Variants in TTC13 observed in about 807,000 individuals in gnomAD.
TTC13 encodes tetratricopeptide repeat domain 13, also known as tetratricopeptide repeat protein 13.
TTC13 carries 62 observed loss-of-function variants against 120.0 expected under a neutral mutation model. The ratio of observed to expected loss-of-function variants is 0.52; its 90% CI spans 0.42 to 0.64. The LOEUF is 0.64. Among genes scored for constraint, TTC13 ranks in the 30% least tolerant of loss-of-function variants. TTC13 has a pLI of 0.00. For synonymous variants in TTC13, 384 were observed against 393.5 expected (o/e 0.98, Z 0.28); for missense variants, 824 against 1,050.2 (o/e 0.78, Z 2.98).
intron 15 of TTC13, among the ~76,000 whole-genome samples, chr1:230,922,889 GGCTGAT>G (rs1672713730): frequency 6.6e-6 from 1 of 152,134 alleles, no homozygotes; most frequent in African/African-American, 2.4e-5. Flanking sequence ...ACAGCACACT[GGCTGAT>G]CTACGGTAGC....
rs917997570 is a variant in TTC13, at chr1:230,945,330, A to C, written c.579+59T>G. 39 of 1,464,432 alleles carry C rather than the reference A, an allele frequency of 2.7e-5. 2 individuals are homozygous for C. The highest frequency in any genetic ancestry group is 8.4e-5 in the African/African-American group (6 of 71,824). The allele number at this position is 1,464,432 out of a possible 1,614,324, so 90.7% of individuals were successfully genotyped here. On this transcript the variant is annotated intron_variant, in intron 5 of 22. Coordinates refer to ENST00000366661, the MANE Select transcript of TTC13 (RefSeq NM_024525.5). ...AATGAACAGTAGCAGTTCTAGCAAA[A>C]CCCTGGTCTGTGTCAGGTCATGTAG... is the stretch of plus-strand genomic sequence containing the variant.
Position 230,916,277 on chromosome 1 carries a change from C to A in TTC13, c.2009G>T (p.Gly670Val). 3 of 1,614,022 alleles carry A rather than the reference C, an allele frequency of 1.9e-6. No homozygotes were observed. Among genetic ancestry groups the A allele is most frequent in the Non-Finnish European group, 2.5e-6 (3 of 1,179,910 alleles). ...GGGAACTTTTGTGTTCACGGTGAAC[C>A]CATCCTTCGTTTTAGTATTAAACTG... ...MKQFNTKTKD[G>V]FTVNTKVPSL... Residue 670 changes from glycine (G) to valine (V), a missense_variant, in exon 18 of 23, where the codon GGG becomes GTG. Physicochemically the swap from Gly to Val is moderately radical, Grantham distance 109. Transcript: ENST00000366661.
At position 230,906,318 on chromosome 1, in the gene TTC13, T is replaced by C. The variant is rs923410598; in HGVS notation, c.*587A>G. On this transcript the variant is annotated 3_prime_UTR_variant, in exon 23 of 23. Transcript: ENST00000366661. Reference sequence around the variant, plus strand: ...TCAACAAAGGAAAAAAAAACATGGTTCAATAATTCAGCATTTGGGACTCTG... The same window carrying C: ...TCAACAAAGGAAAAAAAAACATGGTCCAATAATTCAGCATTTGGGACTCTG... The C allele has an allele frequency of 6.6e-6, 1 of 152,198 alleles. No individual in the cohort carries two copies. Among genetic ancestry groups the C allele is most frequent in the African/African-American group, 2.4e-5 (1 of 41,452 alleles). 9.4% of individuals were successfully genotyped at this position (152,198 alleles called of 1,614,324 possible).
chr1:230,941,514 G>C (rs962859800), intron 6 of TTC13, among the ~76,000 whole-genome samples: 10 of 152,126 alleles, frequency 6.6e-5, no homozygotes, highest in Non-Finnish European at 1.0e-4. Flanking sequence ...CATTGACCAG[G>C]CTGGTCTTGA....
At chr1:230,933,455 ACTGT>A (rs1338389301) in intron 9 of TTC13, among the ~76,000 whole-genome samples, 1 of 152,124 alleles carries the variant, frequency 6.6e-6, no homozygotes, top group African/African-American at 2.4e-5. Context: ...TACCTTAGTT[ACTGT>A]CTAAGAAAGT....
At chr1:230,962,373 G>A (rs1676727133) in intron 1 of TTC13, among the ~76,000 whole-genome samples, 1 of 152,080 alleles carries the variant, frequency 6.6e-6, no homozygotes, top group Non-Finnish European at 1.5e-5. Context: ...ACTACTTAGG[G>A]AAATGTAAAT....
At chr1:230,953,904 T>C (rs1480387108) in intron 4 of TTC13, among the ~76,000 whole-genome samples, 1 of 152,194 alleles carries the variant, frequency 6.6e-6, no homozygotes, top group African/African-American at 2.4e-5. Context: ...GAGTAGAAAT[T>C]AAGTTAATCA....
chr1:230,949,671 G>A (rs551322534), intron 4 of TTC13, among the ~76,000 whole-genome samples: 6 of 151,152 alleles, frequency 4.0e-5, no homozygotes, highest in Admixed American at 6.6e-5. Context: ...TTTTTGAGAC[G>A]AAGTCTCGCT....
intron 1 of TTC13, among the ~76,000 whole-genome samples, chr1:230,976,644 A>C (rs2103022544): frequency 6.6e-6 from 1 of 152,320 alleles, no homozygotes; most frequent in East Asian, 1.9e-4. Context: ...CATTTGCAAC[A>C]GTAAATTTTA....
At chr1:230,919,526 A>G (rs546881598) in intron 17 of TTC13, among the ~76,000 whole-genome samples, 1 of 152,332 alleles carries the variant, frequency 6.6e-6, no homozygotes, top group African/African-American at 2.4e-5. Flanking sequence ...AGGGGAACAC[A>G]TTCAAACGAT....
intron 14 of TTC13, 23 bp downstream of exon 14, chr1:230,924,818 A>C (rs780429097): frequency 1.2e-5 from 19 of 1,613,818 alleles, no homozygotes; most frequent in Non-Finnish European, 1.2e-5. Context: ...CTTATAGTTT[A>C]TTTTCACTGA....
intron 8 of TTC13, among the ~76,000 whole-genome samples, chr1:230,937,152 T>C (rs141004482): frequency 1.3e-5 from 2 of 152,258 alleles, no homozygotes; most frequent in South Asian, 4.1e-4. Context: ...CATGCAGATC[T>C]AAAGCAAATC....
intron 3 of TTC13, among the ~76,000 whole-genome samples, chr1:230,956,269 T>C (rs1475345912): frequency 2.0e-5 from 3 of 152,250 alleles, no homozygotes; most frequent in African/African-American, 7.2e-5. Flanking sequence ...CCCAAACCAC[T>C]GTGCACTGGA....
At chr1:230,954,256 G>T (rs2102935865) in intron 4 of TTC13, 77 bp downstream of exon 4, 3 of 984,164 alleles carry the variant, frequency 3.0e-6, no homozygotes, top group East Asian at 5.0e-5. Context: ...TCGTATTACA[G>T]CACTTCAGCT....
rs756592920 is a variant in TTC13 at position 230,920,420 on chromosome 1, C to T, written c.1983+90G>A. 4.5e-6 allele frequency: 4 copies of T among 897,946 alleles called. No individual in the cohort carries two copies. The Admixed American group carries it at 5.7e-5, about 13-fold the overall frequency. 55.6% of individuals were successfully genotyped at this position (897,946 alleles called of 1,614,324 possible). A position where few individuals can be genotyped will look rare whatever the true frequency, so the allele number is the denominator to read the frequency against. On this transcript the variant is annotated intron_variant, in intron 17 of 22. Coordinates refer to ENST00000366661, the MANE Select transcript of TTC13 (RefSeq NM_024525.5). Reference sequence around the variant, plus strand: ...TGTTCATACGAGTGATTTCAAATAGCATTTAATAATTCTGAGTTCTTTTTA... The same window carrying T: ...TGTTCATACGAGTGATTTCAAATAGTATTTAATAATTCTGAGTTCTTTTTA...
chr1:230,907,045 G>A (rs184241591), intron 22 of TTC13, 26 bp from the exon 23 acceptor site: 3 of 1,266,428 alleles, frequency 2.4e-6, no homozygotes, highest in African/African-American at 3.1e-5. Context: ...ACAAAGTAGC[G>A]GCATGAAAAT....
At chr1:230,927,007 C>T (rs990027878) in intron 12 of TTC13, among the ~76,000 whole-genome samples, 1 of 152,206 alleles carries the variant, frequency 6.6e-6, no homozygotes, top group Non-Finnish European at 1.5e-5. Flanking sequence ...GAGAGCACAG[C>T]TTACTGACTT....
intron 18 of TTC13, among the ~76,000 whole-genome samples, chr1:230,915,908 C>CA (rs1028067032): frequency 1.7e-4 from 26 of 151,698 alleles, no homozygotes; most frequent in Non-Finnish European, 2.9e-4. Context: ...CCCTCGCCCC[C>CA]CCAAGGAACT....
At chr1:230,973,159 C>T (rs1452889373) in intron 1 of TTC13, among the ~76,000 whole-genome samples, 2 of 152,196 alleles carry the variant, frequency 1.3e-5, no homozygotes, top group Non-Finnish European at 2.9e-5. Flanking sequence ...TGACTGAGCA[C>T]AAAATGTGGT....
Sources: gnomAD v4.1 joint callset for allele counts (sites outside exome capture counted in the v4.1 genomes callset) on GRCh38, gnomAD v4.1.1 for gene constraint, MANE v1.5 for transcripts, NCBI Gene and HGNC (gene_info 2026-07-23, HGNC 2026-07-21) for gene names.